The following AIMP1 variants were observed in gnomAD, a reference collection of about 807,000 sequenced individuals.
AIMP1 encodes the protein aminoacyl tRNA synthase complex-interacting multifunctional protein 1.
AIMP1 carries 24 observed loss-of-function variants against 33.1 expected under a neutral mutation model. The ratio of observed to expected loss-of-function variants is 0.73; its 90% CI spans 0.53 to 1.02. The LOEUF is 1.02. Ranked by LOEUF, AIMP1 falls within the 50% of genes least tolerant of loss-of-function variation. The pLI is 0.00. For missense variants in AIMP1, 367 were observed against 364.8 expected, an observed-to-expected ratio of 1.01 and a Z score of -0.05; for synonymous variants, 120 against 121.5, an observed-to-expected ratio of 0.99 and a Z score of 0.08.
intron 1 of AIMP1, among the ~76,000 whole-genome samples, chr4:106,322,331 T>G (rs1270889409): frequency 5.3e-5 from 8 of 152,068 alleles, no homozygotes; most frequent in African/African-American, 1.9e-4. Flanking sequence ...TAGATAACTT[T>G]ACCAAGGTCA....
At chr4:106,321,759 G>C (rs933774581) in intron 1 of AIMP1, among the ~76,000 whole-genome samples, 8 of 152,242 alleles carry the variant, frequency 5.3e-5, no homozygotes, top group Admixed American at 5.2e-4. Flanking sequence ...ATAGAAAAGG[G>C]GGAAATGTGG....
rs1561035452 is a variant in AIMP1, at chr4:106,347,755, G to C, written c.*63G>C. On this transcript the variant is annotated 3_prime_UTR_variant, in exon 7 of 7. Coordinates refer to ENST00000672341, the MANE Select transcript of AIMP1 (RefSeq NM_001142416.2). ...AAAAGTAATAAAGAGAAATATATTT[G>C]TCACTTATACCTAAAATATGAGTGG... 2.6e-6 allele frequency: 4 copies of C among 1,536,992 alleles called. No homozygotes were observed. The highest frequency in any genetic ancestry group is 3.5e-6 in the Non-Finnish European group (4 of 1,133,464).
At chr4:106,321,684 C>T (rs1211642909) in intron 1 of AIMP1, among the ~76,000 whole-genome samples, 2 of 152,192 alleles carry the variant, frequency 1.3e-5, no homozygotes, top group South Asian at 2.1e-4. Flanking sequence ...GCCGCCACCC[C>T]GTCTGGGAGG....
intron 1 of AIMP1, among the ~76,000 whole-genome samples, chr4:106,324,357 A>G (rs911930471): frequency 3.9e-5 from 6 of 152,116 alleles, no homozygotes; most frequent in Non-Finnish European, 2.9e-5. Context: ...ATGTTTGCTT[A>G]CATACATTTT....
At chr4:106,320,166 G>A (rs1769160794) in intron 1 of AIMP1, among the ~76,000 whole-genome samples, 1 of 151,908 alleles carries the variant, frequency 6.6e-6, no homozygotes, top group South Asian at 2.1e-4. Context: ...TATACTCAAT[G>A]TAAAATTGAA....
rs551800695 is a variant in AIMP1, at chr4:106,339,613, C to T, written c.772+2576C>T. ...ACCTTGGATGTATCTTTATTAGCAG[C>T]ATGAGAACAGACTAACAGAACACCA... On this transcript the variant is annotated intron_variant, in intron 6 of 6. Transcript: ENST00000672341. Among the ~76,000 whole-genome samples the T allele has an allele frequency of 4.1e-4, 62 of 152,266 alleles. 1 individual carries two copies. Among genetic ancestry groups the T allele is most frequent in the Non-Finnish European group, 7.9e-4 (54 of 68,028 alleles).
intron 5 of AIMP1, among the ~76,000 whole-genome samples, chr4:106,334,618 A>G (rs1403672205): frequency 6.6e-6 from 1 of 152,152 alleles, no homozygotes; most frequent in Admixed American, 6.5e-5. Flanking sequence ...CATTTGTATA[A>G]GGGAGTCAGA....
chr4:106,334,214 A>G (rs1769783386), intron 5 of AIMP1, among the ~76,000 whole-genome samples: 1 of 152,110 alleles, frequency 6.6e-6, no homozygotes, highest in Admixed American at 6.5e-5. Flanking sequence ...ATTAAGCACC[A>G]AGCACCTAAG....
At chr4:106,337,606 C>T (rs930661363) in intron 6 of AIMP1, among the ~76,000 whole-genome samples, 2 of 152,038 alleles carry the variant, frequency 1.3e-5, no homozygotes, top group East Asian at 1.9e-4. Context: ...TTATTAGCAG[C>T]GTGAGAATAG....
intron 1 of AIMP1, among the ~76,000 whole-genome samples, chr4:106,322,791 C>G (rs1178483023): frequency 2.0e-5 from 3 of 152,040 alleles, no homozygotes; most frequent in Admixed American, 6.5e-5. Flanking sequence ...GATTTCGAGA[C>G]CAGCCTGGCC....
At chr4:106,325,216 A>G (rs1769413734) in intron 2 of AIMP1, 98 bp downstream of exon 2, 1 of 1,177,336 alleles carries the variant, frequency 8.5e-7, no homozygotes, top group Non-Finnish European at 1.2e-6. Flanking sequence ...TTTAAGTTTT[A>G]CTTAGAAGTT....
rs372933784 is a variant in AIMP1, at chr4:106,331,672, G to A, written c.392G>A (p.Gly131Glu). Residue 131 changes from glycine to glutamate, a missense_variant and splice_region_variant, in exon 5 of 7, where the codon GGA (glycine) becomes GAA (glutamate). Gly to Glu is a moderately conservative substitution (Grantham distance 98). Coordinates refer to ENST00000672341, the MANE Select transcript of AIMP1 (RefSeq NM_001142416.2). Reference protein sequence around the residue: ...KKAKEKIEKKGEKKEKKQQSI... With the variant: ...KKAKEKIEKKEEKKEKKQQSI... ...TTACCCATTCATAAATACTTTTTAG[G>A]AGAGAAGAAGGAGAAAAAACAGCAA... 1.9e-6 allele frequency: 3 copies of A among 1,613,584 alleles called. No homozygotes were observed. The highest frequency in any genetic ancestry group is 2.2e-5 in the East Asian group (1 of 44,880).
At chr4:106,330,284 A>T (rs1769625353) in intron 4 of AIMP1, among the ~76,000 whole-genome samples, 1 of 152,230 alleles carries the variant, frequency 6.6e-6, no homozygotes, top group South Asian at 2.1e-4. Flanking sequence ...ATATATTGTT[A>T]TACTACAGTA....
At chr4:106,315,567 G>T (rs1768720710), upstream of AIMP1, 1 of 152,308 alleles carries the variant, frequency 6.6e-6, no homozygotes, top group South Asian at 2.1e-4. Context: ...GCTCAAGGGG[G>T]TGTTACACTT....
chr4:106,336,942 T>C lies in AIMP1; in HGVS notation c.677T>C (p.Met226Thr), dbSNP rs1769906945. The C allele has an allele frequency of 6.2e-7, 1 of 1,613,930 alleles. No homozygotes were observed. Among genetic ancestry groups the C allele is most frequent in the African/African-American group, 1.3e-5 (1 of 74,926 alleles). The change falls in exon 6 of 7, where the codon ATG (methionine) becomes ACG (threonine). Residue 226 changes from methionine (M) to threonine (T), a missense_variant. Met to Thr is a moderately conservative substitution (Grantham distance 81, BLOSUM62 -1). Transcript: ENST00000672341. Reference protein sequence around the residue: ...AKMRGVLSQAMVMCASSPEKI... With the variant: ...AKMRGVLSQATVMCASSPEKI... ...ATGAGGGGAGTATTATCTCAAGCAA[T>C]GGTCATGTGTGCTAGTTCACCAGAG...
intron 4 of AIMP1, among the ~76,000 whole-genome samples, chr4:106,330,641 T>C (rs1769640388): frequency 6.6e-6 from 1 of 152,236 alleles, no homozygotes; most frequent in South Asian, 2.1e-4. Flanking sequence ...TCATTATACA[T>C]ATACATGTCT....
chr4:106,321,664 C>G (rs1490931390), intron 1 of AIMP1, among the ~76,000 whole-genome samples: 1 of 151,480 alleles, frequency 6.6e-6, no homozygotes, highest in South Asian at 2.1e-4. Context: ...GTGAGGAGCC[C>G]CTCTGCCCGG....
In AIMP1 at chr4:106,316,608, T is replaced by C. The variant is rs1224008437; in HGVS notation, c.-26+14T>C. ...CCTCCGCTTCATGTGAGTGACGTCG[T>C]GGCGGGTCACTCACTCGGGGATCGC... On this transcript the variant is annotated intron_variant, in intron 1 of 6. Coordinates refer to ENST00000672341, the MANE Select transcript of AIMP1 (RefSeq NM_001142416.2). The C allele has an allele frequency of 3.2e-6, 5 of 1,550,868 alleles. No individual in the cohort carries two copies. Among genetic ancestry groups the C allele is most frequent in the Non-Finnish European group, 4.4e-6 (5 of 1,146,732 alleles).
At position 106,347,595 on chromosome 4, in the gene AIMP1, A is replaced by G. The variant is rs1770352099; in HGVS notation, c.842A>G (p.Asn281Ser). The G allele has an allele frequency of 1.9e-6, 3 of 1,613,408 alleles. No homozygotes were observed. The highest frequency in any genetic ancestry group is 1.6e-4 in the Middle Eastern group (1 of 6,070). ...CAGATCCAGCCTGATCTTCACACTA[A>G]TGATGAGTGTGTGGCTACATACAAA... is the stretch of plus-strand genomic sequence containing the variant. ...WEQIQPDLHT[N>S]DECVATYKGV... Residue 281 changes from asparagine to serine, a missense_variant, in exon 7 of 7, where the codon AAT becomes AGT. Coordinates refer to ENST00000672341, the MANE Select transcript of AIMP1 (RefSeq NM_001142416.2).
Sources: gnomAD v4.1 joint callset for allele counts (sites outside exome capture counted in the v4.1 genomes callset) on GRCh38, gnomAD v4.1.1 for gene constraint, MANE v1.5 for transcripts, NCBI Gene and HGNC (gene_info 2026-07-23, HGNC 2026-07-21) for gene names.